The following TUT4 variants were observed in gnomAD, a reference collection of about 807,000 sequenced individuals.
TUT4 encodes the protein terminal uridylyltransferase 4.
Under a neutral mutation model 192.2 loss-of-function variants are expected in TUT4, and 36 were observed. The ratio of observed to expected loss-of-function variants is 0.19; its 90% CI spans 0.14 to 0.25. TUT4 has a LOEUF of 0.25. Among genes scored for constraint, TUT4 ranks in the 10% least tolerant of loss-of-function variants. The pLI is 1.00. For synonymous variants in TUT4, 618 were observed against 666.0 expected, an observed-to-expected ratio of 0.93 and a Z score of 1.11; for missense variants, 1,493 against 1,957.2, an observed-to-expected ratio of 0.76 and a Z score of 4.47.
chr1:52,431,003 GA>G lies in TUT4; in HGVS notation c.4711+9del. The stretch of plus-strand genomic sequence containing the variant: ...ACATGCAGATAAAAAAGAAGAAAAG[GA>G]AAGGTTACCTGAATTCCCCACTGCA... On this transcript the variant is annotated intron_variant, in intron 28 of 29. Transcript: ENST00000257177. 1 of 1,545,482 alleles carries G rather than the reference GA, an allele frequency of 6.5e-7. No homozygotes were observed. The highest frequency in any genetic ancestry group is 2.0e-5 in the Admixed American group (1 of 49,342).
chr1:52,465,601 C>T lies in TUT4; in HGVS notation c.2966-428G>A, dbSNP rs577316765. 2.0e-5 allele frequency among the ~76,000 whole-genome samples: 3 copies of T among 152,306 alleles called. No individual in the cohort carries two copies. In the East Asian group the frequency reaches 5.8e-4, roughly 29 times the overall value. ...CTTTTTCCGACTTACATAATAAATC[C>T]ATCTGCTTTTATACATTCTCAACAT... On this transcript the variant is annotated intron_variant, in intron 15 of 29. Transcript: ENST00000257177.
At chr1:52,519,551 C>T (rs1679657630) in intron 2 of TUT4, among the ~76,000 whole-genome samples, 1 of 151,572 alleles carries the variant, frequency 6.6e-6, no homozygotes, top group Non-Finnish European at 1.5e-5. Flanking sequence ...CTCTTGTTGC[C>T]CAGACTGGAG....
chr1:52,502,225 A>G (rs939676126), intron 4 of TUT4, among the ~76,000 whole-genome samples: 2 of 151,940 alleles, frequency 1.3e-5, no homozygotes, highest in African/African-American at 4.8e-5. Flanking sequence ...TTTGGTCTCA[A>G]TTTGCATTTC....
Position 52,489,130 on chromosome 1 carries a change from T to C in TUT4, c.1389-95A>G, listed in dbSNP as rs995684916. 1.1e-4 allele frequency: 142 copies of C among 1,301,674 alleles called. 3 individuals are homozygous for C. In the East Asian group the frequency reaches 3.5e-3, roughly 32 times the overall value. 80.6% of individuals were successfully genotyped at this position (1,301,674 alleles called of 1,614,324 possible). A position where few individuals can be genotyped will look rare whatever the true frequency, so the allele number is the denominator to read the frequency against. On this transcript the variant is annotated intron_variant, in intron 8 of 29. Coordinates refer to ENST00000257177, the MANE Select transcript of TUT4 (RefSeq NM_001009881.3). ...GCTATTTTCTTTCTAGTTATCATAT[T>C]GTAACATAGTACCGTAAAAGCCCTA...
chr1:52,451,004 G>A (rs753707945), intron 20 of TUT4, among the ~76,000 whole-genome samples: 4 of 152,162 alleles, frequency 2.6e-5, no homozygotes, highest in African/African-American at 4.8e-5. Context: ...GGTGGCACAC[G>A]CCTGTAATCC....
At chr1:52,508,353 G>T (rs1676198176) in intron 4 of TUT4, among the ~76,000 whole-genome samples, 1 of 149,190 alleles carries the variant, frequency 6.7e-6, no homozygotes, top group Admixed American at 6.7e-5. Flanking sequence ...AAGGTTTCTT[G>T]CTTGCAAGCC....
chr1:52,437,263 T>C (rs1654063911), intron 25 of TUT4: 2 of 281,738 alleles, frequency 7.1e-6, no homozygotes, highest in African/African-American at 4.4e-5. Context: ...TAAAAAGAAA[T>C]TGAGGCTTAG....
chr1:52,549,167 A>C (rs191254284), intron 1 of TUT4, among the ~76,000 whole-genome samples: 2 of 152,330 alleles, frequency 1.3e-5, no homozygotes, highest in Admixed American at 1.3e-4. Context: ...GCCAAGGAGA[A>C]AAAAATACAA....
intron 16 of TUT4, chr1:52,462,994 A>T: frequency 1.0e-6 from 1 of 985,478 alleles, no homozygotes; most frequent in Non-Finnish European, 1.2e-6. Context: ...ATTTCAAAGA[A>T]ACCATTAGTT....
At chr1:52,463,349 A>G (rs762831788) in intron 16 of TUT4, 3 of 995,928 alleles carry the variant, frequency 3.0e-6, no homozygotes, top group Non-Finnish European at 3.6e-6. Flanking sequence ...TAAGTAAAGG[A>G]GAACAAATAA....
chr1:52,482,380 T>C (rs1433264497), intron 9 of TUT4, among the ~76,000 whole-genome samples: 2 of 152,200 alleles, frequency 1.3e-5, no homozygotes, highest in Non-Finnish European at 2.9e-5. Flanking sequence ...TCTCTGTATA[T>C]TACTCTTCTC....
At chr1:52,425,137 T>C (rs990821092) in intron 29 of TUT4, 2 of 440,736 alleles carry the variant, frequency 4.5e-6, no homozygotes, top group Non-Finnish European at 7.7e-6. Flanking sequence ...CCTTTTCTAT[T>C]TAACATGTCT....
chr1:52,530,473 G>C (rs941143841), intron 1 of TUT4, among the ~76,000 whole-genome samples: 2 of 152,072 alleles, frequency 1.3e-5, no homozygotes, highest in African/African-American at 2.4e-5. Flanking sequence ...TTTATCCTTT[G>C]AGTTACAAAC....
intron 4 of TUT4, among the ~76,000 whole-genome samples, chr1:52,507,889 C>G (rs1163212621): frequency 6.6e-6 from 1 of 152,144 alleles, no homozygotes; most frequent in Non-Finnish European, 1.5e-5. Context: ...TGGCTCACTG[C>G]AGCCTCCACC....
At chr1:52,535,118 T>C (rs920709170) in intron 1 of TUT4, 3 of 152,230 alleles carry the variant, frequency 2.0e-5, no homozygotes, top group African/African-American at 4.8e-5. Context: ...CATAGTCAGC[T>C]GGCTCTGTTC....
chr1:52,520,795 A>C (rs1480422220), intron 2 of TUT4, among the ~76,000 whole-genome samples: 2 of 151,346 alleles, frequency 1.3e-5, no homozygotes, highest in East Asian at 1.9e-4. Context: ...TCTATATTTT[A>C]TTTTCTTTTT....
chr1:52,449,539 A>G (rs1281338683), intron 20 of TUT4, among the ~76,000 whole-genome samples: 3 of 152,178 alleles, frequency 2.0e-5, no homozygotes. Flanking sequence ...ACCTCAAGTA[A>G]TCTACCCCCC....
At chr1:52,545,741 T>C (rs1399137576) in intron 1 of TUT4, among the ~76,000 whole-genome samples, 1 of 151,974 alleles carries the variant, frequency 6.6e-6, no homozygotes, top group Non-Finnish European at 1.5e-5. Context: ...GGTAGGAACG[T>C]AAAATGGTAC....
intron 20 of TUT4, among the ~76,000 whole-genome samples, chr1:52,454,968 T>G (rs1377105664): frequency 6.6e-6 from 1 of 152,180 alleles, no homozygotes; most frequent in African/African-American, 2.4e-5. Context: ...CCGCATAATG[T>G]CATCAGGGAG....
Sources: allele counts gnomAD v4.1 joint callset (sites outside exome capture counted in the v4.1 genomes callset), GRCh38; gene constraint gnomAD v4.1.1; transcripts MANE v1.5; gene names NCBI Gene and HGNC (gene_info 2026-07-23, HGNC 2026-07-21).